Variants in NR3C2 observed in about 807,000 individuals in gnomAD.
The protein encoded by NR3C2 is nuclear receptor subfamily 3 group C member 2, also known as mineralocorticoid receptor.
Under a neutral mutation model 86.4 loss-of-function variants are expected in NR3C2, and 15 were observed. The ratio of observed to expected loss-of-function variants is 0.17; its 90% CI spans 0.12 to 0.27. The LOEUF (loss-of-function observed/expected upper bound fraction) is 0.27. Ranked by LOEUF, NR3C2 falls within the 10% of genes least tolerant of loss-of-function variation. The pLI, the probability that NR3C2 is intolerant of heterozygous loss-of-function variation, is 1.00. For synonymous variants in NR3C2, 458 were observed against 450.5 expected (o/e 1.02, Z -0.21); for missense variants, 960 against 1,195.6 (o/e 0.80, Z 2.91).
intron 2 of NR3C2, among the ~76,000 whole-genome samples, chr4:148,374,837 A>G (rs1746594046): frequency 6.6e-6 from 1 of 152,204 alleles, no homozygotes; most frequent in Non-Finnish European, 1.5e-5. Flanking sequence ...GCTTTCTGAA[A>G]TCCCCCTGTA....
chr4:148,423,919 G>A (rs566185077), intron 2 of NR3C2, among the ~76,000 whole-genome samples: 1 of 152,240 alleles, frequency 6.6e-6, no homozygotes, highest in Admixed American at 6.5e-5. Flanking sequence ...CACCATGTTG[G>A]CCAAACTGGT....
chr4:148,083,265 C>G (rs903185758), intron 8 of NR3C2, among the ~76,000 whole-genome samples: 1 of 152,234 alleles, frequency 6.6e-6, no homozygotes, highest in Non-Finnish European at 1.5e-5. Context: ...TCCCTGATCC[C>G]TGTGCCTCCT....
chr4:148,109,685 G>A (rs2149724196), intron 8 of NR3C2, among the ~76,000 whole-genome samples: 1 of 152,264 alleles, frequency 6.6e-6, no homozygotes, highest in East Asian at 1.9e-4. Context: ...CCTGAGGGCT[G>A]GCACACTATG....
intron 8 of NR3C2, among the ~76,000 whole-genome samples, chr4:148,096,868 A>G (rs1260966806): frequency 1.3e-5 from 2 of 152,236 alleles, no homozygotes; most frequent in East Asian, 3.8e-4. Flanking sequence ...TAAACTAGTT[A>G]CTACGTGGCG....
At chr4:148,131,779 T>C (rs1175435169) in intron 6 of NR3C2, among the ~76,000 whole-genome samples, 3 of 152,248 alleles carry the variant, frequency 2.0e-5, no homozygotes, top group African/African-American at 4.8e-5. Context: ...TGGTCAATTC[T>C]AGTAATAGTT....
intron 3 of NR3C2, among the ~76,000 whole-genome samples, chr4:148,222,420 A>G (rs1737907800): frequency 1.3e-5 from 2 of 152,328 alleles, no homozygotes; most frequent in Admixed American, 6.5e-5. Context: ...CCTGAAAAAA[A>G]TTCACCTTGG....
chr4:148,155,369 G>A (rs1356213919), intron 4 of NR3C2, among the ~76,000 whole-genome samples: 4 of 152,142 alleles, frequency 2.6e-5, no homozygotes, highest in Non-Finnish European at 5.9e-5. Context: ...AAACCCCACT[G>A]TCTCAGCCCA....
Position 148,348,168 on chromosome 4 carries a change from A to G in NR3C2, c.1757+86936T>C, listed in dbSNP as rs111584274. Among the ~76,000 whole-genome samples the G allele has an allele frequency of 8.6e-3, 1,311 of 152,160 alleles. 17 individuals are homozygous for G. The highest frequency in any genetic ancestry group is 0.029 in the African/African-American group (1,202 of 41,512). ...CTGGAGCATGCAATGCTCATCTCAGAGCAGCCCGGTCTCAAGTCACACTCT... is the reference window on the plus strand; with the variant it reads ...CTGGAGCATGCAATGCTCATCTCAGGGCAGCCCGGTCTCAAGTCACACTCT... On this transcript the variant is annotated intron_variant, in intron 2 of 8. Transcript: ENST00000358102.
intron 8 of NR3C2, among the ~76,000 whole-genome samples, chr4:148,106,118 T>A (rs576828434): frequency 6.6e-6 from 1 of 152,282 alleles, no homozygotes; most frequent in South Asian, 2.1e-4. Flanking sequence ...GAAAACCCCA[T>A]CATCTCAGCC....
At chr4:148,279,007 C>CA (rs747751216) in intron 2 of NR3C2, among the ~76,000 whole-genome samples, 160 of 151,938 alleles carry the variant, frequency 1.1e-3, no homozygotes, top group Non-Finnish European at 1.7e-3. Flanking sequence ...ACTAAAAATG[C>CA]AAAAAATTAG....
At position 148,180,096 on chromosome 4, in the gene NR3C2, A is replaced by T. The variant is rs566768061; in HGVS notation, c.2014+14650T>A. On this transcript the variant is annotated intron_variant, in intron 4 of 8. Coordinates refer to ENST00000358102, the MANE Select transcript of NR3C2 (RefSeq NM_000901.5). ...CTGCCTTGGGAGACCCTTTAAAGACATAAAAATTGTTTCTCTTATTGGATT... is the reference window on the plus strand; with the variant it reads ...CTGCCTTGGGAGACCCTTTAAAGACTTAAAAATTGTTTCTCTTATTGGATT... 7.2e-5 allele frequency among the ~76,000 whole-genome samples: 11 copies of T among 151,986 alleles called. No individual in the cohort carries two copies. The South Asian group carries it at 2.3e-3, about 32-fold the overall frequency.
chr4:148,107,082 A>G (rs193186677), intron 8 of NR3C2, among the ~76,000 whole-genome samples: 27 of 152,336 alleles, frequency 1.8e-4, no homozygotes, highest in African/African-American at 6.5e-4. Context: ...TGACCTACAG[A>G]ATGGGAGAAA....
intron 2 of NR3C2, among the ~76,000 whole-genome samples, chr4:148,277,168 T>A (rs1741000892): frequency 6.6e-6 from 1 of 152,230 alleles, no homozygotes; most frequent in South Asian, 2.1e-4. Flanking sequence ...TTGGTAAATG[T>A]TGGCATAAAA....
chr4:148,264,087 C>T (rs1398072800), intron 2 of NR3C2, among the ~76,000 whole-genome samples: 1 of 152,042 alleles, frequency 6.6e-6, no homozygotes. Context: ...TTAATGAGGC[C>T]AAGGTTATCA....
In NR3C2 at chr4:148,259,962, C is replaced by G; in HGVS notation, c.1897+16G>C. 4.3e-6 allele frequency: 7 copies of G among 1,613,978 alleles called. No homozygotes were observed. Among genetic ancestry groups the G allele is most frequent in the Non-Finnish European group, 5.9e-6 (7 of 1,179,948 alleles). On this transcript the variant is annotated intron_variant, in intron 3 of 8. Transcript: ENST00000358102. ...AGGAAAAAATATGTAAAAGGAACAC[C>G]CACATGAACATTTACCTTCCACTGC...
intron 4 of NR3C2, among the ~76,000 whole-genome samples, chr4:148,156,434 C>T (rs1734390406): frequency 6.6e-6 from 1 of 152,062 alleles, no homozygotes; most frequent in Admixed American, 6.5e-5. Flanking sequence ...CAAACAACCC[C>T]ATCAAAAAGT....
At chr4:148,427,816 A>G (rs1322085640) in intron 2 of NR3C2, among the ~76,000 whole-genome samples, 3 of 152,180 alleles carry the variant, frequency 2.0e-5, no homozygotes, top group African/African-American at 7.2e-5. Context: ...GGGACAAGGC[A>G]AAGGGACACA....
chr4:148,382,265 T>C (rs1478411587), intron 2 of NR3C2, among the ~76,000 whole-genome samples: 1 of 152,222 alleles, frequency 6.6e-6, no homozygotes, highest in East Asian at 1.9e-4. Flanking sequence ...TATTTATTCA[T>C]TCACTCATTC....
chr4:148,157,030 T>C (rs965991232), intron 4 of NR3C2, among the ~76,000 whole-genome samples: 1 of 151,418 alleles, frequency 6.6e-6, no homozygotes, highest in East Asian at 1.9e-4. Context: ...TTGGAAATCA[T>C]CATTCTCAGT....
Sources: allele counts gnomAD v4.1 joint callset (sites outside exome capture counted in the v4.1 genomes callset), GRCh38; gene constraint gnomAD v4.1.1; transcripts MANE v1.5; gene names NCBI Gene and HGNC (gene_info 2026-07-23, HGNC 2026-07-21).